The following ATL2 variants were observed in gnomAD, a reference collection of about 807,000 sequenced individuals.
The protein encoded by ATL2 is atlastin-2.
ATL2 carries 31 observed loss-of-function variants against 73.9 expected under a neutral mutation model. That is an observed-to-expected ratio of 0.42 (90% CI 0.32 to 0.57). The LOEUF (loss-of-function observed/expected upper bound fraction) is 0.57. Ranked by LOEUF, ATL2 falls within the 20% of genes least tolerant of loss-of-function variation. The probability of loss-of-function intolerance (pLI) is 0.14; values close to 1 mark genes in which losing one functional copy is unlikely to be tolerated. For missense variants in ATL2, 738 were observed against 702.6 expected (o/e 1.05, Z -0.57); for synonymous variants, 291 against 237.5 (o/e 1.23, Z -2.07).
intron 10 of ATL2, among the ~76,000 whole-genome samples, chr2:38,299,860 T>C (rs1667093071): frequency 1.3e-5 from 2 of 152,182 alleles, no homozygotes; most frequent in African/African-American, 4.8e-5. Context: ...GAAAAAGAAG[T>C]GAGACTATAT....
chr2:38,314,626 G>T lies in ATL2; in HGVS notation c.693C>A (p.Ile231=). Residue 231 remains isoleucine (I), a synonymous_variant, in exon 6 of 13, where the codon ATC becomes ATA. Transcript: ENST00000378954. ...TEYGRLAMEE[I]YQKPFQTLMF... is the part of the protein sequence containing the mutation. ...TTTTTACCTGAAATGGTTTCTGGTAGATTTCTTCCATCGCAAGTCTTCCAT... is the reference window on the plus strand; with the variant it reads ...TTTTTACCTGAAATGGTTTCTGGTATATTTCTTCCATCGCAAGTCTTCCAT... 2 of 1,600,206 alleles carry T rather than the reference G, an allele frequency of 1.2e-6. No individual in the cohort carries two copies. Among genetic ancestry groups the T allele is most frequent in the African/African-American group, 1.3e-5 (1 of 74,708 alleles).
intron 1 of ATL2, among the ~76,000 whole-genome samples, chr2:38,367,575 A>C: frequency 7.3e-6 from 1 of 137,794 alleles, no homozygotes; most frequent in Non-Finnish European, 1.6e-5. Context: ...AGCCCGGGGA[A>C]CAGAGCAAGA....
At chr2:38,306,787 T>C (rs1336740038) in intron 9 of ATL2, among the ~76,000 whole-genome samples, 1 of 152,178 alleles carries the variant, frequency 6.6e-6, no homozygotes, top group Non-Finnish European at 1.5e-5. Context: ...ACAGCTAGTA[T>C]CTTACTGAAC....
At chr2:38,371,695 C>T (rs1427854399) in intron 1 of ATL2, among the ~76,000 whole-genome samples, 10 of 151,918 alleles carry the variant, frequency 6.6e-5, no homozygotes, top group African/African-American at 1.9e-4. Flanking sequence ...GTCAGGAGTT[C>T]GAGACCAGCC....
chr2:38,317,876 A>C (rs1162300773), intron 4 of ATL2, among the ~76,000 whole-genome samples: 1 of 152,212 alleles, frequency 6.6e-6, no homozygotes, highest in African/African-American at 2.4e-5. Context: ...CTTTGTAACT[A>C]TCCAAAGTAC....
chr2:38,312,396 C>G (rs540743464), intron 7 of ATL2, among the ~76,000 whole-genome samples: 4 of 152,170 alleles, frequency 2.6e-5, no homozygotes, highest in Admixed American at 2.6e-4. Flanking sequence ...TTCACTCTCT[C>G]TCTCCTGCCA....
chr2:38,299,944 G>T (rs1410956398), intron 10 of ATL2, among the ~76,000 whole-genome samples: 1 of 152,076 alleles, frequency 6.6e-6, no homozygotes, highest in Non-Finnish European at 1.5e-5. Context: ...CATTGTCAAA[G>T]ACTCAGAATA....
chr2:38,344,637 T>C (rs572891836), intron 1 of ATL2, among the ~76,000 whole-genome samples: 9 of 152,200 alleles, frequency 5.9e-5, no homozygotes, highest in Admixed American at 2.6e-4. Context: ...AAATTATTCA[T>C]GTTATTTTTC....
intron 1 of ATL2, among the ~76,000 whole-genome samples, chr2:38,352,244 A>T (rs1289184324): frequency 1.3e-5 from 2 of 151,830 alleles, no homozygotes; most frequent in Non-Finnish European, 2.9e-5. Context: ...TTTAAAACAC[A>T]GGTATTTGGG....
At chr2:38,296,286 T>G in intron 12 of ATL2, 173 bp from the exon 13 acceptor site, 3 of 1,438,564 alleles carry the variant, frequency 2.1e-6, no homozygotes, top group South Asian at 3.1e-5. Context: ...CATTTTATAA[T>G]GCAACAAAAA....
intron 4 of ATL2, among the ~76,000 whole-genome samples, chr2:38,316,189 G>C (rs182990165): frequency 2.0e-5 from 3 of 152,328 alleles, no homozygotes; most frequent in Admixed American, 1.3e-4. Context: ...AAACCACTTG[G>C]AGGTCAAGAA....
intron 1 of ATL2, among the ~76,000 whole-genome samples, chr2:38,374,020 T>C (rs1671829767): frequency 6.6e-6 from 1 of 152,162 alleles, no homozygotes. Context: ...GCCTCCTAAA[T>C]AGCTGGGATT....
In ATL2 at chr2:38,346,353, A is replaced by G. The variant is rs145802300; in HGVS notation, c.119-2841T>C. Among the ~76,000 whole-genome samples the G allele has an allele frequency of 3.5e-4, 54 of 152,220 alleles. 1 individual carries two copies. In the East Asian group the frequency reaches 0.01, roughly 29 times the overall value. Reference sequence around the variant, plus strand: ...GCAACTAAATAATATAGTTACATGTAAAGTTGACCAGGTTACCCTCCTTAA... The same window carrying G: ...GCAACTAAATAATATAGTTACATGTGAAGTTGACCAGGTTACCCTCCTTAA... On this transcript the variant is annotated intron_variant, in intron 1 of 12. Transcript: ENST00000378954.
rs184770982 is a variant in ATL2, at chr2:38,318,202, G to T, written c.603+333C>A. The stretch of plus-strand genomic sequence containing the variant: ...CATTTTCAAGAGGGGCAAATGCCAG[G>T]CTCAGTGGCTCACGCCTGTAATCCC... On this transcript the variant is annotated intron_variant, in intron 4 of 12. Coordinates refer to ENST00000378954, the MANE Select transcript of ATL2 (RefSeq NM_001135673.4). 2.5e-3 allele frequency: 459 copies of T among 187,300 alleles called. 3 individuals are homozygous for T. Among genetic ancestry groups the T allele is most frequent in the African/African-American group, 0.01 (433 of 42,920 alleles). 11.6% of individuals were successfully genotyped at this position (187,300 alleles called of 1,614,324 possible).
intron 3 of ATL2, 69 bp downstream of exon 3, chr2:38,318,816 T>C (rs1668168022): frequency 6.5e-7 from 1 of 1,535,598 alleles, no homozygotes; most frequent in East Asian, 2.3e-5. Flanking sequence ...TCTGTGTTGT[T>C]TTGATTTTTA....
chr2:38,357,114 G>A (rs1670712101), intron 1 of ATL2, among the ~76,000 whole-genome samples: 2 of 152,100 alleles, frequency 1.3e-5, no homozygotes, highest in Admixed American at 1.3e-4. Context: ...TGGATCATGA[G>A]GTCAGGAGAT....
At chr2:38,308,650 G>A (rs1158120104) in intron 9 of ATL2, among the ~76,000 whole-genome samples, 5 of 151,852 alleles carry the variant, frequency 3.3e-5, no homozygotes, top group African/African-American at 1.2e-4. Context: ...TGAGGTGATG[G>A]ACACCCTATT....
At position 38,334,876 on chromosome 2, in the gene ATL2, TA is replaced by T. The variant is rs1263104314; in HGVS notation, c.363+8391del. Among the ~76,000 whole-genome samples, 274 of 39,216 alleles carry T rather than the reference TA, an allele frequency of 7.0e-3. 5 individuals are homozygous for T. The highest frequency in any genetic ancestry group is 0.042 in the Middle Eastern group (2 of 48). The allele number at this position is 39,216 out of a possible 152,430, so 25.7% of individuals were successfully genotyped here. A position where few individuals can be genotyped will look rare whatever the true frequency, so the allele number is the denominator to read the frequency against. On this transcript the variant is annotated intron_variant, in intron 2 of 12. Transcript: ENST00000378954. ...CAATATTTATATATTATATAATATA[TA>T]TTATATAATATATAATATATATTAT...
intron 1 of ATL2, among the ~76,000 whole-genome samples, chr2:38,375,622 T>C (rs994580283): frequency 1.3e-5 from 2 of 152,048 alleles, no homozygotes; most frequent in Non-Finnish European, 2.9e-5. Flanking sequence ...CTAAAACTCT[T>C]ACCTCAAAAA....
Sources: gnomAD v4.1 joint callset for allele counts (sites outside exome capture counted in the v4.1 genomes callset) on GRCh38, gnomAD v4.1.1 for gene constraint, MANE v1.5 for transcripts, NCBI Gene and HGNC (gene_info 2026-07-23, HGNC 2026-07-21) for gene names.